ATP8A1: variants seen among roughly 807,000 people sequenced by gnomAD.
ATP8A1 encodes the protein ATPase phospholipid transporting 8A1.
In ATP8A1, 90 loss-of-function variants were observed where a neutral mutation model predicts 177.7. That is an observed-to-expected ratio of 0.51 (90% CI 0.43 to 0.60). ATP8A1 has a LOEUF of 0.60. Ranked by LOEUF, ATP8A1 falls within the 20% of genes least tolerant of loss-of-function variation. The pLI is 0.00. For synonymous variants in ATP8A1, 493 were observed against 485.9 expected (o/e 1.01, Z -0.19); for missense variants, 1,072 against 1,392.8 (o/e 0.77, Z 3.67).
In ATP8A1 at chr4:42,524,751, A is replaced by G. The variant is rs1726507816; in HGVS notation, c.1807+12T>C. 1.3e-6 allele frequency: 2 copies of G among 1,574,900 alleles called. No individual in the cohort carries two copies. Among genetic ancestry groups the G allele is most frequent in the Middle Eastern group, 1.7e-4 (1 of 5,944 alleles). On this transcript the variant is annotated intron_variant, in intron 21 of 36. Coordinates refer to ENST00000381668, the MANE Select transcript of ATP8A1 (RefSeq NM_006095.2). ...GTATTTTAATCATGCTTTATTGCCA[A>G]ATTACACTTACCTTCTGTAGCAAAC... is the stretch of plus-strand genomic sequence containing the variant.
intron 30 of ATP8A1, among the ~76,000 whole-genome samples, chr4:42,450,280 T>TA (rs978910373): frequency 1.6e-4 from 24 of 152,186 alleles, no homozygotes; most frequent in African/African-American, 5.1e-4. Context: ...TCCATAGAGA[T>TA]AAAAAAAATG....
At chr4:42,556,100 T>G (rs1730208798) in intron 15 of ATP8A1, 60 bp from the exon 16 acceptor site, 1 of 1,228,128 alleles carries the variant, frequency 8.1e-7, no homozygotes, top group African/African-American at 1.5e-5. Context: ...CTGATCTATT[T>G]GTTAATGTAC....
chr4:42,409,455 CA>C lies in ATP8A1; in HGVS notation c.*3460del, dbSNP rs1712343543. On this transcript the variant is annotated 3_prime_UTR_variant, in exon 37 of 37. Coordinates refer to ENST00000381668, the MANE Select transcript of ATP8A1 (RefSeq NM_006095.2). ...TATAGAAATGTTCATCATTAAAAAG[CA>C]TTTATTAGGCACTGAACTGCATGAT... is the stretch of plus-strand genomic sequence containing the variant. 1.3e-5 allele frequency: 2 copies of C among 152,052 alleles called. No individual in the cohort carries two copies. The highest frequency in any genetic ancestry group is 1.3e-4 in the Admixed American group (2 of 15,264). The allele number at this position is 152,052 out of a possible 1,614,324, so 9.4% of individuals were successfully genotyped here. A position where few individuals can be genotyped will look rare whatever the true frequency, so the allele number is the denominator to read the frequency against.
chr4:42,538,508 G>A (rs1326846283), intron 20 of ATP8A1, among the ~76,000 whole-genome samples: 1 of 152,100 alleles, frequency 6.6e-6, no homozygotes, highest in Non-Finnish European at 1.5e-5. Flanking sequence ...CACAAAGTAT[G>A]CATCTGATGA....
chr4:42,443,007 AC>A (rs1334370636), intron 33 of ATP8A1, among the ~76,000 whole-genome samples: 25 of 152,176 alleles, frequency 1.6e-4, no homozygotes, highest in Non-Finnish European at 3.4e-4. Context: ...CTCAATTCCT[AC>A]CCGTGTAACA....
chr4:42,451,170 A>G (rs1243841186), intron 30 of ATP8A1, among the ~76,000 whole-genome samples: 1 of 152,158 alleles, frequency 6.6e-6, no homozygotes, highest in African/African-American at 2.4e-5. Flanking sequence ...CTACCTATGG[A>G]GAGGAGATCA....
chr4:42,477,266 G>T (rs891149765), intron 25 of ATP8A1, among the ~76,000 whole-genome samples: 1 of 152,162 alleles, frequency 6.6e-6, no homozygotes, highest in Non-Finnish European at 1.5e-5. Context: ...AGTAATCAGA[G>T]AAATTAAAAT....
At chr4:42,440,900 C>T (rs1465259297) in intron 33 of ATP8A1, among the ~76,000 whole-genome samples, 1 of 123,042 alleles carries the variant, frequency 8.1e-6, no homozygotes. Flanking sequence ...TTTTGGGCAA[C>T]CAAAACACAC....
At chr4:42,450,459 GA>G (rs1717816222) in intron 30 of ATP8A1, among the ~76,000 whole-genome samples, 1 of 152,132 alleles carries the variant, frequency 6.6e-6, no homozygotes, top group African/African-American at 2.4e-5. Context: ...CACTTTAAAA[GA>G]GTTAACTTTT....
intron 25 of ATP8A1, among the ~76,000 whole-genome samples, chr4:42,475,161 A>C (rs1049380412): frequency 2.6e-4 from 39 of 152,266 alleles, no homozygotes; most frequent in African/African-American, 8.9e-4. Context: ...GTGTGGATTC[A>C]GACACAGCAT....
rs1241102323 is a variant in ATP8A1, at chr4:42,569,166, A to C, written c.1335T>G (p.Asp445Glu). 6.2e-7 allele frequency: 1 copy of C among 1,606,468 alleles called. No homozygotes were observed. The highest frequency in any genetic ancestry group is 1.1e-5 in the South Asian group (1 of 90,194). Reference sequence around the variant, plus strand: ...GAAAGTTCCATAGAGCTTACCATTCATCAGGAGAGCAGCCATAATCCTCAG... The same window carrying C: ...GAAAGTTCCATAGAGCTTACCATTCCTCAGGAGAGCAGCCATAATCCTCAG... ...PEPEDYGCSP[D>E]EWQNSQFGDE... Residue 445 changes from aspartate (D) to glutamate (E), a missense_variant, in exon 15 of 37, where the codon GAT (aspartate) becomes GAG (glutamate). Physicochemically the swap from Asp to Glu is conservative, Grantham distance 45. Coordinates refer to ENST00000381668, the MANE Select transcript of ATP8A1 (RefSeq NM_006095.2).
intron 15 of ATP8A1, among the ~76,000 whole-genome samples, chr4:42,568,806 G>A (rs933140595): frequency 4.6e-5 from 7 of 152,060 alleles, no homozygotes; most frequent in Admixed American, 1.3e-4. Context: ...CATAAGTAGC[G>A]GCAGAAGGTG....
intron 20 of ATP8A1, among the ~76,000 whole-genome samples, chr4:42,530,868 T>A (rs1727195441): frequency 6.6e-6 from 1 of 152,222 alleles, no homozygotes; most frequent in Non-Finnish European, 1.5e-5. Context: ...CCACTCACCA[T>A]CACTCCTAGT....
rs764002108 is a variant in ATP8A1 at position 42,522,236 on chromosome 4, G to T, written c.1871C>A (p.Ala624Glu). The change falls in exon 22 of 37, where the codon GCA becomes GAA. Residue 624 changes from alanine to glutamate, a missense_variant. Physicochemically the swap from Ala to Glu is moderately radical, Grantham distance 107 (BLOSUM62 -1). This residue lies in a region of ATP8A1 where 388 missense variants were observed against 471.7 expected (regional missense o/e 0.82). Transcript: ENST00000381668. ...ISESDFQEWR[A>E]VYQRASTSVQ... is the part of the protein sequence containing the mutation. Reference sequence around the variant, plus strand: ...AGATGTAGATGCTCGCTGATAGACTGCTCGCCACTCCTGAAAGTCGCTCTC... The same window carrying T: ...AGATGTAGATGCTCGCTGATAGACTTCTCGCCACTCCTGAAAGTCGCTCTC... The T allele has an allele frequency of 6.2e-7, 1 of 1,613,662 alleles. No homozygotes were observed.
At chr4:42,497,634 C>G (rs1385207170) in intron 24 of ATP8A1, among the ~76,000 whole-genome samples, 1 of 152,106 alleles carries the variant, frequency 6.6e-6, no homozygotes, top group African/African-American at 2.4e-5. Context: ...GCCAGCCTCG[C>G]TGAATTTTGT....
chr4:42,490,100 G>A (rs1578038063), intron 24 of ATP8A1, among the ~76,000 whole-genome samples: 1 of 152,168 alleles, frequency 6.6e-6, no homozygotes, highest in South Asian at 2.1e-4. Flanking sequence ...AGCCACAGTG[G>A]AAAGTGAGAT....
At chr4:42,593,382 T>C (rs1734388081) in intron 6 of ATP8A1, among the ~76,000 whole-genome samples, 1 of 152,076 alleles carries the variant, frequency 6.6e-6, no homozygotes, top group African/African-American at 2.4e-5. Flanking sequence ...AACCTATAGG[T>C]ACATGGCACA....
At chr4:42,539,479 A>G (rs1375122321) in intron 20 of ATP8A1, among the ~76,000 whole-genome samples, 1 of 151,170 alleles carries the variant, frequency 6.6e-6, no homozygotes, top group East Asian at 2.0e-4. Context: ...GAATCAAAAC[A>G]GAGCCCAAAT....
chr4:42,458,276 G>T (rs551281057), intron 27 of ATP8A1, among the ~76,000 whole-genome samples: 1 of 152,108 alleles, frequency 6.6e-6, no homozygotes. Context: ...AGAAAACACC[G>T]GTCCCTCTGG....
Sources: allele counts gnomAD v4.1 joint callset (sites outside exome capture counted in the v4.1 genomes callset), GRCh38; gene constraint gnomAD v4.1.1; regional missense constraint gnomAD v4.1.1; transcripts MANE v1.5; gene names NCBI Gene and HGNC (gene_info 2026-07-23, HGNC 2026-07-21).